Variants in UGT2B4 observed in about 807,000 individuals in gnomAD.
UGT2B4 encodes the protein UDP glucuronosyltransferase family 2 member B4.
In UGT2B4, 49 loss-of-function variants were observed where a neutral mutation model predicts 49.8. The observed-to-expected ratio is 0.98, with a 90% CI of 0.78 to 1.25. The LOEUF is 1.25. Ranked by LOEUF, UGT2B4 falls within the 50% of genes most tolerant of loss-of-function variation. UGT2B4 has a pLI of 0.00. For missense variants in UGT2B4, 729 were observed against 627.7 expected, an observed-to-expected ratio of 1.16 and a Z score of -1.73; for synonymous variants, 246 against 217.7, an observed-to-expected ratio of 1.13 and a Z score of -1.14.
chr4:69,512,539 C>T (rs980089366), intron 1 of UGT2B4, among the ~76,000 whole-genome samples: 2 of 152,006 alleles, frequency 1.3e-5, no homozygotes, highest in Non-Finnish European at 2.9e-5. Context: ...AATTTGTTAA[C>T]ATTTGCTTTG....
At chr4:69,504,944 A>G (rs1672756059) in intron 1 of UGT2B4, among the ~76,000 whole-genome samples, 1 of 152,190 alleles carries the variant, frequency 6.6e-6, no homozygotes, top group Non-Finnish European at 1.5e-5. Flanking sequence ...ATTGGGGGCC[A>G]TTATTCAATA....
intron 1 of UGT2B4, among the ~76,000 whole-genome samples, chr4:69,514,454 T>C (rs557845293): frequency 6.6e-6 from 1 of 152,342 alleles, no homozygotes; most frequent in South Asian, 2.1e-4. Flanking sequence ...CTTTTATTTC[T>C]TTCTATTCCC....
intron 2 of UGT2B4, among the ~76,000 whole-genome samples, chr4:69,490,274 T>G (rs544562426): frequency 1.1e-4 from 17 of 152,192 alleles, no homozygotes; most frequent in Non-Finnish European, 2.4e-4. Flanking sequence ...TCGTACAGTA[T>G]GTAGTTACAT....
chr4:69,480,623 C>T lies in UGT2B4; in HGVS notation c.*11G>A, dbSNP rs904133685. On this transcript the variant is annotated 3_prime_UTR_variant, in exon 6 of 6. Transcript: ENST00000305107. The stretch of plus-strand genomic sequence containing the variant: ...TTTATTGGGTTTCCCAGCTTCCAGC[C>T]TCAGACGTAATTAATCTCTTTTCCC... 1 of 1,611,104 alleles carries T rather than the reference C, an allele frequency of 6.2e-7. No individual in the cohort carries two copies. Among genetic ancestry groups the T allele is most frequent in the Non-Finnish European group, 8.5e-7 (1 of 1,177,986 alleles).
intron 1 of UGT2B4, among the ~76,000 whole-genome samples, chr4:69,509,371 C>T (rs1464809661): frequency 6.6e-6 from 1 of 151,990 alleles, no homozygotes; most frequent in African/African-American, 2.4e-5. Context: ...TGGGGTTCAC[C>T]ATGTGGAAGT....
intron 1 of UGT2B4, among the ~76,000 whole-genome samples, chr4:69,516,699 T>C (rs1174101173): frequency 1.3e-5 from 2 of 150,720 alleles, no homozygotes; most frequent in Non-Finnish European, 3.0e-5. Flanking sequence ...CTCCACCTCT[T>C]AGGTTTAGGG....
chr4:69,497,373 T>C (rs1033156203), upstream of UGT2B4, among the ~76,000 whole-genome samples: 2 of 152,338 alleles, frequency 1.3e-5, no homozygotes, highest in African/African-American at 4.8e-5. Flanking sequence ...CCAGATTTCC[T>C]TGAGGAGGTA....
At chr4:69,519,318 G>A (rs984277603) in intron 1 of UGT2B4, among the ~76,000 whole-genome samples, 4 of 152,126 alleles carry the variant, frequency 2.6e-5, no homozygotes, top group African/African-American at 4.8e-5. Context: ...ACCTAAGTAT[G>A]TCATCCAAAT....
At chr4:69,492,742 ATTAAC>A (rs1196578999) in intron 2 of UGT2B4, among the ~76,000 whole-genome samples, 6 of 152,150 alleles carry the variant, frequency 3.9e-5, no homozygotes, top group African/African-American at 1.4e-4. Flanking sequence ...GTTTATTTGT[ATTAAC>A]TTTTTTCCAC....
At chr4:69,521,995 C>T (rs7683404) in intron 1 of UGT2B4, among the ~76,000 whole-genome samples, 27,548 of 152,016 alleles carry the variant, frequency 0.18, 2,549 homozygotes, top group Middle Eastern at 0.26. Context: ...GATGATTTAA[C>T]GGGCATATAT....
At chr4:69,511,067 C>G (rs116008348) in intron 1 of UGT2B4, among the ~76,000 whole-genome samples, 168 of 148,398 alleles carry the variant, frequency 1.1e-3, no homozygotes, top group African/African-American at 3.9e-3. Flanking sequence ...GGTAGGCTCA[C>G]TGCAACCTCT....
intron 2 of UGT2B4, 24 bp from the exon 3 acceptor site, chr4:69,489,594 T>G: frequency 6.3e-7 from 1 of 1,596,292 alleles, no homozygotes; most frequent in Non-Finnish European, 8.5e-7. Context: ...GAATTTGTTC[T>G]ATCATAATAG....
intron 5 of UGT2B4, among the ~76,000 whole-genome samples, chr4:69,484,470 A>G (rs567150472): frequency 1.2e-3 from 184 of 152,296 alleles, no homozygotes; most frequent in African/African-American, 4.3e-3. Flanking sequence ...AATACACACA[A>G]TATAAATAAA....
rs766863857 is a variant in UGT2B4 at position 69,480,781 on chromosome 4, G to A, written c.1440C>T (p.Ala480=). 1 of 1,613,910 alleles carries A rather than the reference G, an allele frequency of 6.2e-7. No homozygotes were observed. The highest frequency in any genetic ancestry group is 1.1e-5 in the South Asian group (1 of 91,076). Residue 480 remains alanine (A), a synonymous_variant, in exon 6 of 6, where the codon GCC becomes GCT. Transcript: ENST00000305107. ...HKGAKHLRVA[A]HDLTWFQYHS... ...GGTACTGGAACCAGGTGAGGTCGTG[G>A]GCTGCAACCCGAAGGTGCTTGGCTC...
chr4:69,521,174 C>T (rs1413785071), intron 1 of UGT2B4, among the ~76,000 whole-genome samples: 1 of 152,152 alleles, frequency 6.6e-6, no homozygotes, highest in Non-Finnish European at 1.5e-5. Flanking sequence ...GACTGTGTAC[C>T]TAATTCTTCC....
At chr4:69,486,529 G>A in intron 4 of UGT2B4, 80 bp downstream of exon 4, 1 of 953,880 alleles carries the variant, frequency 1.0e-6, no homozygotes, top group Non-Finnish European at 1.5e-6. Flanking sequence ...CAAATGTTCA[G>A]TAAGCTTGTT....
At position 69,480,207 on chromosome 4, in the gene UGT2B4, C is replaced by A; in HGVS notation, c.*427G>T. 6.3e-6 allele frequency: 1 copy of A among 158,178 alleles called. No homozygotes were observed. Among genetic ancestry groups the A allele is most frequent in the Admixed American group, 6.1e-5 (1 of 16,398 alleles). The allele number at this position is 158,178 out of a possible 1,614,324, so 9.8% of individuals were successfully genotyped here. A position where few individuals can be genotyped will look rare whatever the true frequency, so the allele number is the denominator to read the frequency against. ...TTAGCTTCCTCAACAACAGTTAAAACAACACAATCCTGCATGAAATGGATC... is the reference window on the plus strand; with the variant it reads ...TTAGCTTCCTCAACAACAGTTAAAAAAACACAATCCTGCATGAAATGGATC... On this transcript the variant is annotated 3_prime_UTR_variant, in exon 6 of 6. Transcript: ENST00000305107.
In UGT2B4 at chr4:69,495,305, CCTCCA is replaced by C. The variant is rs767400730; in HGVS notation, c.552_556del (p.Ser184ArgfsTer18). ...CACATAGGAAGGAGGGAACAGAAGTCCTCCACTATGCTTTTCAATTGCGTAGCCAG... is the reference window on the plus strand; with the variant it reads ...CACATAGGAAGGAGGGAACAGAAGTCCTATGCTTTTCAATTGCGTAGCCAG... On this transcript the variant is annotated frameshift_variant, in exon 1 of 6. Coordinates refer to ENST00000305107, the MANE Select transcript of UGT2B4 (RefSeq NM_021139.3). LOFTEE classifies it high-confidence loss of function. 1.9e-6 allele frequency: 3 copies of C among 1,612,998 alleles called. No individual in the cohort carries two copies. The highest frequency in any genetic ancestry group is 2.5e-6 in the Non-Finnish European group (3 of 1,179,660).
intron 2 of UGT2B4, among the ~76,000 whole-genome samples, chr4:69,490,326 C>G (rs1424115713): frequency 6.6e-6 from 1 of 152,072 alleles, no homozygotes; most frequent in Non-Finnish European, 1.5e-5. Flanking sequence ...TTAAGTGGAA[C>G]AATTTTTCCC....
Sources: gnomAD v4.1 joint callset for allele counts (sites outside exome capture counted in the v4.1 genomes callset) on GRCh38, gnomAD v4.1.1 for gene constraint, MANE v1.5 for transcripts, NCBI Gene and HGNC (gene_info 2026-07-23, HGNC 2026-07-21) for gene names.